KLHL13: variants seen among roughly 807,000 people sequenced by gnomAD.
KLHL13 encodes the protein kelch like family member 13, also known as kelch-like protein 13.
In KLHL13, 10 loss-of-function variants were observed where a neutral mutation model predicts 37.1. That is an observed-to-expected ratio of 0.27 (90% confidence interval 0.17 to 0.46). The LOEUF (loss-of-function observed/expected upper bound fraction) is 0.46. Among genes scored for constraint, KLHL13 ranks in the 20% least tolerant of loss-of-function variants. The probability of loss-of-function intolerance (pLI) is 1.00; values close to 1 mark genes in which losing one functional copy is unlikely to be tolerated. For missense variants in KLHL13, 360 were observed against 509.3 expected, an observed-to-expected ratio of 0.71 and a Z score of 2.82; for synonymous variants, 163 against 181.2, an observed-to-expected ratio of 0.90 and a Z score of 0.81.
chrX:117,923,855 C>T (rs182917287), intron 2 of KLHL13, among the ~76,000 whole-genome samples: 14 of 111,631 alleles, frequency 1.3e-4, no homozygotes, highest in Non-Finnish European at 2.5e-4. Flanking sequence ...TTTACACTAT[C>T]ATTTTTAAAA....
chrX:117,926,945 G>C (rs1421772236), intron 2 of KLHL13, among the ~76,000 whole-genome samples: 1 of 78,896 alleles, frequency 1.3e-5, no homozygotes. Flanking sequence ...TCGCTCTGTC[G>C]CCCAGGCTGG....
At chrX:117,946,641 T>C (rs889249510) in intron 1 of KLHL13, 1 of 112,234 alleles carries the variant, frequency 8.9e-6, no homozygotes, top group African/African-American at 3.2e-5. Context: ...ACTGCTAAAA[T>C]AGACATTAGG....
At chrX:118,073,842 A>G (rs1056816562) in intron 1 of KLHL13, among the ~76,000 whole-genome samples, 8 of 111,172 alleles carry the variant, frequency 7.2e-5, no homozygotes, top group Non-Finnish European at 1.3e-4. Context: ...GCCTGCCTCT[A>G]TTTCACCCTC....
chrX:117,916,180 A>AC (rs1931347468), intron 4 of KLHL13, among the ~76,000 whole-genome samples: 1 of 90,234 alleles, frequency 1.1e-5, no homozygotes, highest in African/African-American at 5.0e-5. Context: ...CAAACAAACA[A>AC]AAAAAAAAAC....
intron 2 of KLHL13, among the ~76,000 whole-genome samples, chrX:117,938,630 T>G (rs1405448689): frequency 8.9e-6 from 1 of 111,888 alleles, no homozygotes; most frequent in Non-Finnish European, 1.9e-5. Flanking sequence ...TCTAGTAAAT[T>G]TTAAAAATTA....
chrX:118,038,432 A>C (rs1478436654), intron 1 of KLHL13, among the ~76,000 whole-genome samples: 1 of 111,941 alleles, frequency 8.9e-6, no homozygotes, highest in Non-Finnish European at 1.9e-5. Flanking sequence ...AATCGCCTAC[A>C]TCACCACCCC....
At chrX:117,980,333 T>G (rs1373189506) in intron 1 of KLHL13, among the ~76,000 whole-genome samples, 1 of 112,062 alleles carries the variant, frequency 8.9e-6, no homozygotes, top group Non-Finnish European at 1.9e-5. Flanking sequence ...CAGAAATACC[T>G]ATACTTTTCT....
At chrX:118,095,676 A>G (rs1441223545) in intron 1 of KLHL13, among the ~76,000 whole-genome samples, 2 of 112,195 alleles carry the variant, frequency 1.8e-5, no homozygotes, top group Non-Finnish European at 3.8e-5. Context: ...AAGAACAGAA[A>G]TTATAACAAA....
rs191297918 is a variant in KLHL13, at chrX:117,965,405, A to C, written c.98+7326T>G. 8.4e-3 allele frequency among the ~76,000 whole-genome samples: 934 copies of C among 111,567 alleles called. 7 individuals are homozygous for C. The highest frequency in any genetic ancestry group is 0.028 in the African/African-American group (853 of 30,679). ...TGTCTTCTTTTGAGAAGTGTCTGTT[A>C]ATATCCTTCGCCCACTTGTTGATGG... On this transcript the variant is annotated intron_variant, in intron 1 of 6. Transcript: ENST00000262820.
chrX:118,073,407 A>G (rs989123715), intron 1 of KLHL13, among the ~76,000 whole-genome samples: 1 of 111,023 alleles, frequency 9.0e-6, no homozygotes, highest in African/African-American at 3.3e-5. Context: ...AGAACAGCAT[A>G]GGAAAGACCT....
intron 1 of KLHL13, among the ~76,000 whole-genome samples, chrX:118,057,074 TG>T (rs1417549056): frequency 8.9e-6 from 1 of 111,911 alleles, no homozygotes; most frequent in Non-Finnish European, 1.9e-5. Flanking sequence ...AGAACAAAGC[TG>T]GAAGACTCAC....
chrX:118,091,709 G>A (rs1390419597), intron 1 of KLHL13, among the ~76,000 whole-genome samples: 1 of 109,801 alleles, frequency 9.1e-6, no homozygotes, highest in African/African-American at 3.3e-5. Flanking sequence ...GAGAAAGAGG[G>A]TGGGGCTGAA....
intron 1 of KLHL13, among the ~76,000 whole-genome samples, chrX:118,085,832 T>C (rs1330380510): frequency 4.7e-5 from 5 of 107,492 alleles, no homozygotes; most frequent in African/African-American, 6.9e-5. Flanking sequence ...TGTGTGTGTG[T>C]GTGTGTGTGT....
chrX:118,056,627 T>G (rs1302523704), intron 1 of KLHL13, among the ~76,000 whole-genome samples: 1 of 112,004 alleles, frequency 8.9e-6, no homozygotes, highest in Non-Finnish European at 1.9e-5. Context: ...TTCTCTTTGT[T>G]CAAATAACTC....
intron 5 of KLHL13, among the ~76,000 whole-genome samples, chrX:117,902,255 T>C (rs1930145916): frequency 1.8e-5 from 2 of 111,568 alleles, no homozygotes; most frequent in Non-Finnish European, 3.8e-5. Flanking sequence ...CATTTCTCCA[T>C]TTTCTTTGCT....
intron 1 of KLHL13, among the ~76,000 whole-genome samples, chrX:118,064,450 C>A (rs1255082031): frequency 2.7e-5 from 3 of 111,519 alleles, no homozygotes; most frequent in Non-Finnish European, 5.7e-5. Flanking sequence ...TCTCTCCAAA[C>A]TGAAGAAGCC....
chrX:117,998,330 C>T (rs1269421598), intron 1 of KLHL13, among the ~76,000 whole-genome samples: 3 of 111,887 alleles, frequency 2.7e-5, no homozygotes, highest in Non-Finnish European at 5.6e-5. Context: ...TAATTGGTTG[C>T]AACTGTCTGG....
intron 1 of KLHL13, chrX:117,985,247 C>T: frequency 8.8e-7 from 1 of 1,138,318 alleles, no homozygotes; most frequent in Non-Finnish European, 1.2e-6. Flanking sequence ...TACCAATAAG[C>T]CCATTTTTCT....
intron 1 of KLHL13, among the ~76,000 whole-genome samples, chrX:118,030,230 G>C (rs1228010990): frequency 9.0e-6 from 1 of 111,519 alleles, no homozygotes; most frequent in African/African-American, 3.2e-5. Context: ...TACAAGTAAA[G>C]AAACTGAGTA....
Sources: allele counts gnomAD v4.1 joint callset (sites outside exome capture counted in the v4.1 genomes callset), GRCh38; gene constraint gnomAD v4.1.1; transcripts MANE v1.5; gene names NCBI Gene and HGNC (gene_info 2026-07-23, HGNC 2026-07-21).